Variants in NAP1L4 observed in about 807,000 individuals in gnomAD.
NAP1L4 encodes the protein nucleosome assembly protein 1 like 4.
A neutral mutation model predicts 58.2 loss-of-function variants in NAP1L4; 15 were observed. The ratio of observed to expected loss-of-function variants is 0.26; its 90% confidence interval spans 0.17 to 0.40. The LOEUF is 0.40. Ranked by LOEUF, NAP1L4 falls within the 10% of genes least tolerant of loss-of-function variation. NAP1L4 has a pLI of 1.00. For synonymous variants in NAP1L4, 171 were observed against 155.6 expected (o/e 1.10, Z -0.74); for missense variants, 384 against 451.1 (o/e 0.85, Z 1.35).
rs1846104746 is a variant in NAP1L4, at chr11:2,949,359, T to C, written c.1123-95A>G. On this transcript the variant is annotated intron_variant, in intron 14 of 15. Coordinates refer to ENST00000380542, the MANE Select transcript of NAP1L4 (RefSeq NM_005969.4). The surrounding 1 kb of genome is among the most constrained non-coding windows in gnomAD (Gnocchi z 4.0). ...AGGAAACGGCCACAATTTCTCATGA[T>C]ACAAAAGGGCTGCAAGATACTGAAC... 1 of 1,017,522 alleles carries C rather than the reference T, an allele frequency of 9.8e-7. No individual in the cohort carries two copies. Among genetic ancestry groups the C allele is most frequent in the Non-Finnish European group, 1.6e-6 (1 of 641,704 alleles). 63.0% of individuals were successfully genotyped at this position (1,017,522 alleles called of 1,614,324 possible).
intron 2 of NAP1L4, among the ~76,000 whole-genome samples, chr11:2,978,937 T>C (rs1385222385): frequency 6.6e-6 from 1 of 152,090 alleles, no homozygotes; most frequent in East Asian, 1.9e-4. Context: ...TAGGAGAGTG[T>C]CAAAATTACC....
chr11:2,954,593 G>A lies in NAP1L4; in HGVS notation c.969C>T (p.Phe323=). 1 of 1,614,140 alleles carries A rather than the reference G, an allele frequency of 6.2e-7. No individual in the cohort carries two copies. The highest frequency in any genetic ancestry group is 8.5e-7 in the Non-Finnish European group (1 of 1,180,036). The change falls in exon 12 of 16, where the codon TTC becomes TTT. Residue 323 remains phenylalanine (F), a synonymous_variant. Coordinates refer to ENST00000380542, the MANE Select transcript of NAP1L4 (RefSeq NM_005969.4). This position sits in a 1 kb window ranked among gnomAD's most constrained non-coding sequence, Gnocchi z 4.8. The part of the protein sequence containing the change: ...LASDFEIGHF[F]RERIVPRAVL... ...CAGCCCGCGGGACTATCCGCTCACG[G>A]AAAAAGTGTCCAATTTCAAAATCAG...
Position 2,954,494 on chromosome 11 carries a change from C to G in NAP1L4, c.1035+33G>C, listed in dbSNP as rs1329271990. ...CTCTGCACCAACAGAGATAAGCACC[C>G]AGGTGGAAGCCCCCCTTCCCCGAGC... On this transcript the variant is annotated intron_variant, in intron 12 of 15. Transcript: ENST00000380542. The surrounding 1 kb of genome is among the most constrained non-coding windows in gnomAD (Gnocchi z 4.8). The G allele has an allele frequency of 6.2e-7, 1 of 1,612,984 alleles. No individual in the cohort carries two copies. Among genetic ancestry groups the G allele is most frequent in the Non-Finnish European group, 8.5e-7 (1 of 1,179,052 alleles).
chr11:2,964,503 G>C (rs912419652), intron 8 of NAP1L4, among the ~76,000 whole-genome samples, 177 bp downstream of exon 8: 1 of 152,160 alleles, frequency 6.6e-6, no homozygotes, highest in Non-Finnish European at 1.5e-5. Context: ...AACTCAGGGA[G>C]CAAACACACA....
intron 4 of NAP1L4, among the ~76,000 whole-genome samples, chr11:2,974,667 G>A (rs1419290443): frequency 3.3e-5 from 5 of 152,118 alleles, no homozygotes; most frequent in African/African-American, 1.2e-4. Flanking sequence ...AGGCCAAGGT[G>A]GGCAGATCAC....
Position 2,954,563 on chromosome 11 carries a change from C to T in NAP1L4, c.999G>A (p.Leu333=). ...FRERIVPRAV[L]YFTGEAIEDD... is the part of the protein sequence containing the mutation. The stretch of plus-strand genomic sequence containing the variant: ...CTTCTATGGCCTCCCCAGTGAAGTA[C>T]AGCACAGCCCGCGGGACTATCCGCT... The change falls in exon 12 of 16, where the codon CTG becomes CTA. Residue 333 remains leucine, a synonymous_variant. Coordinates refer to ENST00000380542, the MANE Select transcript of NAP1L4 (RefSeq NM_005969.4). This position sits in a 1 kb window ranked among gnomAD's most constrained non-coding sequence, Gnocchi z 4.8. 3 of 1,614,198 alleles carry T rather than the reference C, an allele frequency of 1.9e-6. No individual in the cohort carries two copies. The highest frequency in any genetic ancestry group is 2.5e-6 in the Non-Finnish European group (3 of 1,180,046).
intron 2 of NAP1L4, 22 bp from the exon 3 acceptor site, chr11:2,978,364 A>G (rs555106765): frequency 1.2e-6 from 2 of 1,609,200 alleles, no homozygotes; most frequent in South Asian, 1.1e-5. Context: ...GTATGTTTAA[A>G]AAGTATTACT....
In NAP1L4 at chr11:2,960,000, T is replaced by A. The variant is rs1846767676; in HGVS notation, c.607-91A>T. The A allele has an allele frequency of 2.2e-6, 3 of 1,371,806 alleles. No homozygotes were observed. The highest frequency in any genetic ancestry group is 3.0e-6 in the Non-Finnish European group (3 of 1,000,816). 85.0% of individuals were successfully genotyped at this position (1,371,806 alleles called of 1,614,324 possible). A position where few individuals can be genotyped will look rare whatever the true frequency, so the allele number is the denominator to read the frequency against. On this transcript the variant is annotated intron_variant, in intron 8 of 15. Transcript: ENST00000380542. This position sits in a 1 kb window ranked among gnomAD's most constrained non-coding sequence, Gnocchi z 4.9. ...AGTACACAACACTTACTAGAAGCTA[T>A]TTTGGGAAAGCTCAACAGATAGGGC...
chr11:2,981,384 C>CTGGAG (rs1228260727), intron 1 of NAP1L4, among the ~76,000 whole-genome samples: 5 of 132,184 alleles, frequency 3.8e-5, no homozygotes, highest in Non-Finnish European at 7.7e-5. Flanking sequence ...CGCCACTGAA[C>CTGGAG]TCCAGCCTGG....
Position 2,948,337 on chromosome 11 carries a change from T to C in NAP1L4, c.*32+890A>G, listed in dbSNP as rs1846047648. 1.3e-5 allele frequency among the ~76,000 whole-genome samples: 2 copies of C among 152,276 alleles called. No individual in the cohort carries two copies. Among genetic ancestry groups the C allele is most frequent in the East Asian group, 3.9e-4 (2 of 5,176 alleles). ...TGGGCTGCCAGGATCATGCTGATGT[T>C]CTGTGACGAGACCCTTAAAAACGGA... is the stretch of plus-strand genomic sequence containing the variant. On this transcript the variant is annotated intron_variant, in intron 15 of 15. Coordinates refer to ENST00000380542, the MANE Select transcript of NAP1L4 (RefSeq NM_005969.4). This position sits in a 1 kb window ranked among gnomAD's most constrained non-coding sequence, Gnocchi z 5.1.
chr11:2,956,624 C>T (rs1590225321), intron 10 of NAP1L4, among the ~76,000 whole-genome samples: 1 of 152,156 alleles, frequency 6.6e-6, no homozygotes, highest in African/African-American at 2.4e-5. Flanking sequence ...AGGCAGAGTT[C>T]CCAAGCCTCG....
chr11:2,955,698 G>T lies in NAP1L4; in HGVS notation c.915+46C>A, dbSNP rs1395285260. The stretch of plus-strand genomic sequence containing the variant: ...AAGTAGACAAGTAGACATTCACTCA[G>T]GAGAGACTTCAACAGGAAAATAAGA... On this transcript the variant is annotated intron_variant, in intron 11 of 15. Transcript: ENST00000380542. The surrounding 1 kb of genome is among the most constrained non-coding windows in gnomAD (Gnocchi z 4.2). 1.9e-6 allele frequency: 3 copies of T among 1,587,828 alleles called. No homozygotes were observed. In the African/African-American group the frequency reaches 4.1e-5, roughly 21 times the overall value.
rs1307578640 is a variant in NAP1L4, at chr11:2,946,004, G to A, written c.*33-358C>T. ...ACACAGAGCACAGTGCGCTCAACAC[G>A]GGCAGCTCCATCCAGGAAGGCCACC... On this transcript the variant is annotated intron_variant, in intron 15 of 15. Coordinates refer to ENST00000380542, the MANE Select transcript of NAP1L4 (RefSeq NM_005969.4). The surrounding 1 kb of genome is among the most constrained non-coding windows in gnomAD (Gnocchi z 4.8). Among the ~76,000 whole-genome samples, 5 of 152,112 alleles carry A rather than the reference G, an allele frequency of 3.3e-5. No individual in the cohort carries two copies. The highest frequency in any genetic ancestry group is 1.9e-4 in the East Asian group (1 of 5,188).
chr11:2,965,886 CG>C (rs1847248029), intron 7 of NAP1L4, among the ~76,000 whole-genome samples: 1 of 152,320 alleles, frequency 6.6e-6, no homozygotes, highest in East Asian at 1.9e-4. Context: ...ATCCAACTTG[CG>C]GGCACCATGG....
chr11:2,973,300 T>C (rs1418082313), intron 4 of NAP1L4, among the ~76,000 whole-genome samples: 1 of 152,216 alleles, frequency 6.6e-6, no homozygotes, highest in African/African-American at 2.4e-5. Context: ...AGAAAAATCC[T>C]TGTTTAACCC....
chr11:2,976,688 A>T (rs1396001471), intron 3 of NAP1L4, among the ~76,000 whole-genome samples: 1 of 152,174 alleles, frequency 6.6e-6, no homozygotes, highest in Non-Finnish European at 1.5e-5. Flanking sequence ...TCCAGGAAGC[A>T]CTTCTGACCA....
chr11:2,968,654 G>C (rs1407870374), intron 7 of NAP1L4, among the ~76,000 whole-genome samples: 1 of 152,174 alleles, frequency 6.6e-6, no homozygotes, highest in East Asian at 1.9e-4. Context: ...AAAATCCTGT[G>C]CAAATTACAA....
intron 1 of NAP1L4, among the ~76,000 whole-genome samples, chr11:2,987,602 C>A (rs1315272890): frequency 6.6e-6 from 1 of 151,096 alleles, no homozygotes; most frequent in Non-Finnish European, 1.5e-5. Context: ...TAAAAAGATA[C>A]AAAAATTACC....
rs1204100218 is a variant in NAP1L4, at chr11:2,946,709, A to G, written c.*33-1063T>C. ...GTAAAATATGCAAAAAACAAAATCA[A>G]TAACCTTGAACCCTGGTGTCTAAGC... On this transcript the variant is annotated intron_variant, in intron 15 of 15. Coordinates refer to ENST00000380542, the MANE Select transcript of NAP1L4 (RefSeq NM_005969.4). The surrounding 1 kb of genome is among the most constrained non-coding windows in gnomAD (Gnocchi z 4.8). Among the ~76,000 whole-genome samples, 3 of 152,224 alleles carry G rather than the reference A, an allele frequency of 2.0e-5. No individual in the cohort carries two copies. Among genetic ancestry groups the G allele is most frequent in the Non-Finnish European group, 2.9e-5 (2 of 68,046 alleles).
Sources: gnomAD v4.1 joint callset for allele counts (sites outside exome capture counted in the v4.1 genomes callset) on GRCh38, gnomAD v4.1.1 for gene constraint, Gnocchi (gnomAD v3.1) non-coding constraint, MANE v1.5 for transcripts, NCBI Gene and HGNC (gene_info 2026-07-23, HGNC 2026-07-21) for gene names.